The following PHAF1 variants were observed in gnomAD, a reference collection of about 807,000 sequenced individuals.
PHAF1 encodes the protein phagophore assembly factor 1.
In PHAF1, 23 loss-of-function variants were observed where a neutral mutation model predicts 63.1. That is an observed-to-expected ratio of 0.36 (90% CI 0.26 to 0.52). The LOEUF (loss-of-function observed/expected upper bound fraction) is 0.52, where lower values mean the gene tolerates loss of function less well. Among genes scored for constraint, PHAF1 ranks in the 20% least tolerant of loss-of-function variants. The probability of loss-of-function intolerance (pLI) is 0.93; values close to 1 mark genes in which losing one functional copy is unlikely to be tolerated. For synonymous variants in PHAF1, 167 were observed against 185.0 expected, an observed-to-expected ratio of 0.90 and a Z score of 0.79; for missense variants, 427 against 517.2, an observed-to-expected ratio of 0.83 and a Z score of 1.69.
intron 1 of PHAF1, among the ~76,000 whole-genome samples, chr16:67,116,936 G>GT (rs1387829371): frequency 6.6e-6 from 1 of 152,106 alleles, no homozygotes; most frequent in Non-Finnish European, 1.5e-5. Flanking sequence ...CAGATACATT[G>GT]TTTTTGTATT....
chr16:67,134,666 G>T, intron 8 of PHAF1, 199 bp downstream of exon 8: 1 of 676,262 alleles, frequency 1.5e-6, no homozygotes, highest in South Asian at 1.5e-5. Flanking sequence ...GGCACTGGCA[G>T]ATTCAGTATC....
intron 9 of PHAF1, 96 bp downstream of exon 9, chr16:67,140,213 C>A: frequency 7.1e-7 from 1 of 1,405,766 alleles, no homozygotes; most frequent in Non-Finnish European, 9.6e-7. Flanking sequence ...AGAACTTGTT[C>A]TAAGTAAAGC....
At chr16:67,129,214 C>T (rs1319064537) in intron 3 of PHAF1, among the ~76,000 whole-genome samples, 3 of 152,244 alleles carry the variant, frequency 2.0e-5, no homozygotes, top group Admixed American at 6.5e-5. Flanking sequence ...CACAGCCCCT[C>T]CTGGCACTTC....
intron 6 of PHAF1, among the ~76,000 whole-genome samples, chr16:67,133,312 T>C (rs1369590671): frequency 6.6e-6 from 1 of 152,092 alleles, no homozygotes; most frequent in Non-Finnish European, 1.5e-5. Flanking sequence ...TAAGCTTTCA[T>C]AAGACTTATT....
At chr16:67,116,619 G>A (rs990365836) in intron 1 of PHAF1, among the ~76,000 whole-genome samples, 6 of 152,324 alleles carry the variant, frequency 3.9e-5, no homozygotes, top group Admixed American at 2.0e-4. Flanking sequence ...GAAAGCGGAG[G>A]TGGGAGGATT....
intron 6 of PHAF1, 65 bp downstream of exon 6, chr16:67,132,976 C>A: frequency 1.5e-6 from 2 of 1,330,032 alleles, no homozygotes; most frequent in South Asian, 2.5e-5. Flanking sequence ...CAGATGGTGT[C>A]ATGGGATGGG....
At chr16:67,144,248 G>A (rs1250306473) in intron 10 of PHAF1, 46 bp from the exon 11 acceptor site, 1 of 1,437,648 alleles carries the variant, frequency 7.0e-7, no homozygotes, top group South Asian at 1.1e-5. Context: ...CCTCTGCCCT[G>A]CCTCAGTAAC....
chr16:67,113,842 G>A (rs1237492439), intron 1 of PHAF1, among the ~76,000 whole-genome samples: 1 of 150,486 alleles, frequency 6.6e-6, no homozygotes, highest in African/African-American at 2.5e-5. Flanking sequence ...TCTGCCTCTT[G>A]CGATTATAGG....
At chr16:67,118,021 C>T (rs1962811232) in intron 1 of PHAF1, among the ~76,000 whole-genome samples, 1 of 147,984 alleles carries the variant, frequency 6.8e-6, no homozygotes, top group Non-Finnish European at 1.5e-5. Flanking sequence ...GTGGCGCAAT[C>T]TTGGCTCCCT....
rs1255614808 is a variant in PHAF1, at chr16:67,132,401, C to T, written c.276-45C>T. ...GCTACTATCTCACATGATCTGTGGG[C>T]CCATCTTGTGAAGCCTAGTATTAAA... is the stretch of plus-strand genomic sequence containing the variant. On this transcript the variant is annotated intron_variant, in intron 4 of 15. Transcript: ENST00000219139. The T allele has an allele frequency of 2.0e-6, 3 of 1,476,670 alleles. No individual in the cohort carries two copies. The South Asian group carries it at 3.8e-5, about 19-fold the overall frequency. The allele number at this position is 1,476,670 out of a possible 1,614,324, so 91.5% of individuals were successfully genotyped here.
rs1022183916 is a variant in PHAF1, at chr16:67,148,331, C to G, written c.*1200C>G. ...AGCCAGGTTTGTGTGGCGCTCCCGA[C>G]TTTTGTGACTGACTGGTGTCTTCCC... On this transcript the variant is annotated 3_prime_UTR_variant, in exon 16 of 16. Transcript: ENST00000219139. The G allele has an allele frequency of 6.6e-6, 1 of 152,652 alleles. No individual in the cohort carries two copies. The highest frequency in any genetic ancestry group is 1.5e-5 in the Non-Finnish European group (1 of 68,070). 9.5% of individuals were successfully genotyped at this position (152,652 alleles called of 1,614,324 possible).
chr16:67,145,579 A>C lies in PHAF1; in HGVS notation c.1060A>C (p.Ile354Leu). 1 of 1,613,876 alleles carries C rather than the reference A, an allele frequency of 6.2e-7. No individual in the cohort carries two copies. The highest frequency in any genetic ancestry group is 1.3e-5 in the African/African-American group (1 of 74,962). Residue 354 changes from isoleucine to leucine, a missense_variant, in exon 14 of 16, where the codon ATC becomes CTC. By Grantham distance (5) the Ile-to-Leu change is conservative (BLOSUM62 2). Transcript: ENST00000219139. ...TCTATCCCTCTTGCAGTGGGACAAC[A>C]TCCAGGAGCTCCTGGGCCACCCTGT... Reference protein sequence around the residue: ...TCTTYSKWDNIQELLGHPVEK... With the variant: ...TCTTYSKWDNLQELLGHPVEK...
chr16:67,111,142 T>A, intron 1 of PHAF1, among the ~76,000 whole-genome samples: 1 of 152,212 alleles, frequency 6.6e-6, no homozygotes, highest in East Asian at 1.9e-4. Flanking sequence ...AAATATAGTC[T>A]GTATCGGATG....
intron 1 of PHAF1, among the ~76,000 whole-genome samples, chr16:67,119,824 G>A (rs1329785126): frequency 2.0e-5 from 3 of 151,924 alleles, no homozygotes; most frequent in East Asian, 1.9e-4. Flanking sequence ...CACCACGCCC[G>A]GCCCATGCAT....
intron 3 of PHAF1, among the ~76,000 whole-genome samples, chr16:67,130,269 A>G (rs34172340): frequency 0.072 from 10,957 of 151,320 alleles, 1,199 homozygotes; most frequent in African/African-American, 0.24. Context: ...GGATGGTCTC[A>G]ATCTCCTGAC....
intron 3 of PHAF1, among the ~76,000 whole-genome samples, chr16:67,128,109 T>C (rs1963260049): frequency 6.6e-6 from 1 of 151,630 alleles, no homozygotes; most frequent in Non-Finnish European, 1.5e-5. Context: ...GCCTGTGAAG[T>C]AGGTACTGTT....
At chr16:67,139,343 CTTT>C (rs1164245105) in intron 8 of PHAF1, among the ~76,000 whole-genome samples, 3 of 86,872 alleles carry the variant, frequency 3.5e-5, no homozygotes, top group African/African-American at 5.2e-5. Context: ...ACAGCACTGC[CTTT>C]TTTTTTTTTT....
At chr16:67,136,268 C>T (rs1245538293) in intron 8 of PHAF1, 2 of 151,990 alleles carry the variant, frequency 1.3e-5, no homozygotes, top group African/African-American at 4.8e-5. Context: ...AGCGCCATTG[C>T]ACTGGAGCCT....
intron 2 of PHAF1, among the ~76,000 whole-genome samples, chr16:67,121,582 CTT>C (rs763354915): frequency 1.6e-4 from 22 of 140,116 alleles, no homozygotes; most frequent in Admixed American, 2.9e-4. Flanking sequence ...AATTTATTTA[CTT>C]TTTTTTTTTT....
Sources: gnomAD v4.1 joint callset for allele counts (sites outside exome capture counted in the v4.1 genomes callset) on GRCh38, gnomAD v4.1.1 for gene constraint, MANE v1.5 for transcripts, NCBI Gene and HGNC (gene_info 2026-07-23, HGNC 2026-07-21) for gene names.